CBFA2T3: variants seen among roughly 807,000 people sequenced by gnomAD.
CBFA2T3 encodes the protein CBFA2/RUNX1 partner transcriptional co-repressor 3.
In CBFA2T3, 31 loss-of-function variants were observed where a neutral mutation model predicts 58.6. The ratio of observed to expected loss-of-function variants is 0.53; its 90% confidence interval spans 0.40 to 0.71. The LOEUF (loss-of-function observed/expected upper bound fraction) is 0.71, where lower values mean the gene tolerates loss of function less well. Among genes scored for constraint, CBFA2T3 ranks in the 30% least tolerant of loss-of-function variants. The pLI, the probability that CBFA2T3 is intolerant of heterozygous loss-of-function variation, is 0.00. For synonymous variants in CBFA2T3, 531 were observed against 421.9 expected (o/e 1.26, Z -3.17); for missense variants, 1,076 against 963.1 (o/e 1.12, Z -1.55).
chr16:88,928,537 A>G (rs1275661447), intron 1 of CBFA2T3, among the ~76,000 whole-genome samples: 1 of 152,234 alleles, frequency 6.6e-6, no homozygotes, highest in African/African-American at 2.4e-5. Flanking sequence ...CGCTGTGCAA[A>G]CAACCCTCTT....
intron 5 of CBFA2T3, 73 bp from the exon 6 acceptor site, chr16:88,886,215 GC>G (rs1421039774): frequency 1.0e-5 from 12 of 1,184,530 alleles, no homozygotes; most frequent in Non-Finnish European, 1.3e-5. Flanking sequence ...AGCAGAGGGG[GC>G]CTGGGCTGGG....
intron 7 of CBFA2T3, chr16:88,884,136 G>C (rs917813107): frequency 6.6e-6 from 1 of 152,260 alleles, no homozygotes; most frequent in African/African-American, 2.4e-5. Flanking sequence ...AGCAGAATCG[G>C]GTGGGAGTCA....
In CBFA2T3 at chr16:88,882,270, G is replaced by C. The variant is rs565429720; in HGVS notation, c.1203+406C>G. ...CCCCATGGGGCAGAGCCATGGCCGT[G>C]TTTATGCATAGGCATACAGGTGTGG... On this transcript the variant is annotated intron_variant, in intron 8 of 11. Transcript: ENST00000268679. Among the ~76,000 whole-genome samples the C allele has an allele frequency of 1.7e-4, 26 of 152,368 alleles. 1 individual carries two copies. The South Asian group carries it at 4.8e-3, about 28-fold the overall frequency.
chr16:88,912,619 T>C (rs1970566322), intron 1 of CBFA2T3, among the ~76,000 whole-genome samples: 1 of 152,226 alleles, frequency 6.6e-6, no homozygotes, highest in African/African-American at 2.4e-5. Flanking sequence ...TCCGTCTGTG[T>C]TGGTCCTCGT....
intron 1 of CBFA2T3, among the ~76,000 whole-genome samples, chr16:88,916,778 A>G (rs1261894679): frequency 6.6e-6 from 1 of 152,074 alleles, no homozygotes; most frequent in African/African-American, 2.4e-5. Context: ...CCTCCTTGCT[A>G]CAGCCCCTGG....
chr16:88,895,516 G>T (rs971936305), intron 3 of CBFA2T3, among the ~76,000 whole-genome samples: 1 of 152,186 alleles, frequency 6.6e-6, no homozygotes, highest in African/African-American at 2.4e-5. Context: ...CCCCCAGATT[G>T]CCTCCCGTCC....
Position 88,875,715 on chromosome 16 carries a change from G to C in CBFA2T3, c.*1261C>G, listed in dbSNP as rs571693270. 3 of 233,582 alleles carry C rather than the reference G, an allele frequency of 1.3e-5. No homozygotes were observed. Among genetic ancestry groups the C allele is most frequent in the African/African-American group, 6.6e-5 (3 of 45,428 alleles). The allele number at this position is 233,582 out of a possible 1,614,324, so 14.5% of individuals were successfully genotyped here. A position where few individuals can be genotyped will look rare whatever the true frequency, so the allele number is the denominator to read the frequency against. ...AGCAGTGTTTCAGGGAGGCCTGCTG[G>C]CTCCGCATGCTCGAAAAGCAGTCGA... is the stretch of plus-strand genomic sequence containing the variant. On this transcript the variant is annotated 3_prime_UTR_variant, in exon 12 of 12. Coordinates refer to ENST00000268679, the MANE Select transcript of CBFA2T3 (RefSeq NM_005187.6).
At chr16:88,952,367 G>A (rs894401291) in intron 1 of CBFA2T3, among the ~76,000 whole-genome samples, 2 of 151,044 alleles carry the variant, frequency 1.3e-5, no homozygotes, top group African/African-American at 4.9e-5. Context: ...CAAATGCCCA[G>A]GCCACAGGGT....
intron 1 of CBFA2T3, among the ~76,000 whole-genome samples, chr16:88,974,226 A>T (rs963013574): frequency 6.6e-6 from 1 of 152,012 alleles, no homozygotes; most frequent in Non-Finnish European, 1.5e-5. Flanking sequence ...GCTTGGGGGG[A>T]CAAGGCGGTG....
chr16:88,882,632 GCC>G, intron 8 of CBFA2T3, 42 bp downstream of exon 8: 2 of 1,309,324 alleles, frequency 1.5e-6, no homozygotes, highest in Non-Finnish European at 2.1e-6. Flanking sequence ...GTGGCTGTGC[GCC>G]TGGGCATGGC....
Position 88,919,363 on chromosome 16 carries a change from C to T in CBFA2T3, c.152-17707G>A, listed in dbSNP as rs579354. Among the ~76,000 whole-genome samples, 606 of 152,274 alleles carry T rather than the reference C, an allele frequency of 4.0e-3. 6 individuals carry two copies. Among genetic ancestry groups the T allele is most frequent in the African/African-American group, 0.014 (570 of 41,546 alleles). ...TGTACTCTCGTGGCAAAACTGCTGGCGAGTGTACCCTTTCTGCAGAAAGTA... is the reference window on the plus strand; with the variant it reads ...TGTACTCTCGTGGCAAAACTGCTGGTGAGTGTACCCTTTCTGCAGAAAGTA... On this transcript the variant is annotated intron_variant, in intron 1 of 11. Coordinates refer to ENST00000268679, the MANE Select transcript of CBFA2T3 (RefSeq NM_005187.6).
chr16:88,885,460 G>A lies in CBFA2T3; in HGVS notation c.894-191C>T, dbSNP rs1310153711. Among the ~76,000 whole-genome samples, 7 of 152,164 alleles carry A rather than the reference G, an allele frequency of 4.6e-5. No homozygotes were observed. The highest frequency in any genetic ancestry group is 9.6e-5 in the African/African-American group (4 of 41,490). ...CGCCCCCACTCTCTGCCCCTCTGCC[G>A]GGGCCCATGCCAGCCTCAACCCCTG... On this transcript the variant is annotated intron_variant, in intron 6 of 11. Coordinates refer to ENST00000268679, the MANE Select transcript of CBFA2T3 (RefSeq NM_005187.6). The surrounding 1 kb of genome is among the most constrained non-coding windows in gnomAD (Gnocchi z 5.3).
intron 5 of CBFA2T3, 194 bp from the exon 6 acceptor site, chr16:88,886,336 G>A: frequency 2.3e-6 from 1 of 438,176 alleles, no homozygotes; most frequent in Non-Finnish European, 4.0e-6. Flanking sequence ...GGGAGGGTGG[G>A]CACAGAGCTT....
At chr16:88,916,013 T>C (rs1465803091) in intron 1 of CBFA2T3, among the ~76,000 whole-genome samples, 2 of 152,080 alleles carry the variant, frequency 1.3e-5, no homozygotes, top group African/African-American at 4.8e-5. Context: ...TGCATGGGTG[T>C]GTGTCCGTGT....
intron 1 of CBFA2T3, among the ~76,000 whole-genome samples, chr16:88,915,079 G>A (rs951308198): frequency 1.3e-5 from 2 of 151,584 alleles, no homozygotes; most frequent in African/African-American, 4.9e-5. Context: ...AGTCCTGGGG[G>A]TAGCGGGTCC....
intron 1 of CBFA2T3, among the ~76,000 whole-genome samples, chr16:88,941,536 A>C (rs1971731532): frequency 6.8e-6 from 1 of 147,098 alleles, no homozygotes; most frequent in Non-Finnish European, 1.5e-5. Context: ...GCGGCGCCCT[A>C]AGAACTGGCC....
At chr16:88,957,232 T>C (rs1972241339) in intron 1 of CBFA2T3, among the ~76,000 whole-genome samples, 1 of 152,108 alleles carries the variant, frequency 6.6e-6, no homozygotes, top group African/African-American at 2.4e-5. Flanking sequence ...TGCCGGTGGT[T>C]CTAACCTCAC....
intron 5 of CBFA2T3, among the ~76,000 whole-genome samples, chr16:88,891,286 A>G (rs1401970409): frequency 6.6e-6 from 1 of 152,174 alleles, no homozygotes; most frequent in African/African-American, 2.4e-5. Context: ...CTGCACGTGC[A>G]GTTACTGCTG....
intron 1 of CBFA2T3, among the ~76,000 whole-genome samples, chr16:88,906,605 C>T: frequency 6.6e-6 from 1 of 152,248 alleles, no homozygotes. Context: ...CCGTCTCTGT[C>T]TCAAGGCAGA....
Sources: gnomAD v4.1 joint callset for allele counts (sites outside exome capture counted in the v4.1 genomes callset) on GRCh38, gnomAD v4.1.1 for gene constraint, Gnocchi (gnomAD v3.1) non-coding constraint, MANE v1.5 for transcripts, NCBI Gene and HGNC (gene_info 2026-07-23, HGNC 2026-07-21) for gene names.